SGCZ: variants seen among roughly 807,000 people sequenced by gnomAD.
SGCZ encodes sarcoglycan zeta.
SGCZ carries 40 observed loss-of-function variants against 41.3 expected under a neutral mutation model. The ratio of observed to expected loss-of-function variants is 0.97; its 90% CI spans 0.75 to 1.26. The LOEUF is 1.26. Among genes scored for constraint, SGCZ ranks in the 50% most tolerant of loss-of-function variants. The pLI, the probability that SGCZ is intolerant of heterozygous loss-of-function variation, is 0.00. For missense variants in SGCZ, 552 were observed against 369.8 expected (o/e 1.49, Z -4.04); for synonymous variants, 206 against 137.5 (o/e 1.50, Z -3.49).
chr8:14,664,698 A>G (rs992586859), intron 1 of SGCZ, among the ~76,000 whole-genome samples: 2 of 152,202 alleles, frequency 1.3e-5, no homozygotes, highest in African/African-American at 2.4e-5. Flanking sequence ...AGTGTATGCT[A>G]TATGATTATC....
intron 3 of SGCZ, among the ~76,000 whole-genome samples, chr8:14,245,579 G>T (rs545240620): frequency 2.0e-5 from 3 of 152,044 alleles, no homozygotes; most frequent in Admixed American, 6.6e-5. Context: ...GGCAACAAAA[G>T]CCAAAATTGA....
chr8:15,224,023 T>G (rs1398252268), intron 1 of SGCZ, among the ~76,000 whole-genome samples: 1 of 151,926 alleles, frequency 6.6e-6, no homozygotes, highest in Non-Finnish European at 1.5e-5. Context: ...CCCAGCTAAT[T>G]TTTTGTATTT....
At chr8:14,108,531 A>G (rs1802278419) in intron 5 of SGCZ, among the ~76,000 whole-genome samples, 1 of 152,142 alleles carries the variant, frequency 6.6e-6, no homozygotes, top group African/African-American at 2.4e-5. Context: ...GCAAAAGCAG[A>G]AACCCCTGAT....
chr8:14,352,663 G>A (rs1397988045), intron 2 of SGCZ, among the ~76,000 whole-genome samples: 3 of 151,984 alleles, frequency 2.0e-5, no homozygotes, highest in Admixed American at 1.3e-4. Context: ...AAAGACAAAT[G>A]GATCAAGCTT....
Position 14,770,402 on chromosome 8 carries a change from A to G in SGCZ, c.40-215476T>C, listed in dbSNP as rs893140769. ...TAGTTTTAAAATGTAATTATTTTCT[A>G]TTCTTTCCCCAGAGGTCAGTATATT... On this transcript the variant is annotated intron_variant, in intron 1 of 7. Coordinates refer to ENST00000382080, the MANE Select transcript of SGCZ (RefSeq NM_139167.4). Among the ~76,000 whole-genome samples, 20 of 151,772 alleles carry G rather than the reference A, an allele frequency of 1.3e-4. No homozygotes were observed. In the South Asian group the frequency reaches 2.9e-3, roughly 22 times the overall value.
Position 14,164,641 on chromosome 8 carries a change from C to T in SGCZ, c.486G>A (p.Arg162=), listed in dbSNP as rs1376386740. 1.2e-6 allele frequency: 2 copies of T among 1,613,480 alleles called. No homozygotes were observed. The highest frequency in any genetic ancestry group is 2.7e-5 in the African/African-American group (2 of 74,878). ...CATCTTCATCTGCAGAAAACAGCACCCTGCCATCTTCACTGGCTCTCACTT... is the reference window on the plus strand; with the variant it reads ...CATCTTCATCTGCAGAAAACAGCACTCTGCCATCTTCACTGGCTCTCACTT... ...RFEVRASEDG[R]VLFSADEDEI... The change falls in exon 5 of 8, where the codon AGG becomes AGA. Residue 162 remains arginine, a synonymous_variant. Coordinates refer to ENST00000382080, the MANE Select transcript of SGCZ (RefSeq NM_139167.4).
chr8:14,759,795 G>C (rs984213658), intron 1 of SGCZ, among the ~76,000 whole-genome samples: 1 of 152,130 alleles, frequency 6.6e-6, no homozygotes, highest in African/African-American at 2.4e-5. Flanking sequence ...ACTCGTATTA[G>C]TGAGTGTCTG....
Position 14,356,278 on chromosome 8 carries a change from CA to C in SGCZ, c.235-32075del, listed in dbSNP as rs1156622011. Among the ~76,000 whole-genome samples the C allele has an allele frequency of 2.6e-5, 4 of 152,160 alleles. No individual in the cohort carries two copies. In the East Asian group the frequency reaches 7.7e-4, roughly 29 times the overall value. ...CAACTTAACAGTGGGTTTATTGGAA[CA>C]AAACCCCGTCGTAAGTTAAGAGCCT... On this transcript the variant is annotated intron_variant, in intron 2 of 7. Coordinates refer to ENST00000382080, the MANE Select transcript of SGCZ (RefSeq NM_139167.4).
At position 14,850,761 on chromosome 8, in the gene SGCZ, A is replaced by G. The variant is rs190346895; in HGVS notation, c.40-295835T>C. ...ATTGAATCATGGCGGCAGTTTCCCCACCGCTGTTCTCATGATAGTGAGTGA... is the reference window on the plus strand; with the variant it reads ...ATTGAATCATGGCGGCAGTTTCCCCGCCGCTGTTCTCATGATAGTGAGTGA... On this transcript the variant is annotated intron_variant, in intron 1 of 7. Transcript: ENST00000382080. Among the ~76,000 whole-genome samples, 935 of 152,198 alleles carry G rather than the reference A, an allele frequency of 6.1e-3. 6 individuals carry two copies. The highest frequency in any genetic ancestry group is 0.021 in the African/African-American group (874 of 41,542).
intron 2 of SGCZ, among the ~76,000 whole-genome samples, chr8:14,536,863 G>C (rs1449939402): frequency 6.6e-6 from 1 of 151,924 alleles, no homozygotes; most frequent in Non-Finnish European, 1.5e-5. Flanking sequence ...ATACTTGTTA[G>C]TCTTCAGTGT....
At position 14,712,446 on chromosome 8, in the gene SGCZ, A is replaced by G. The variant is rs1366900325; in HGVS notation, c.40-157520T>C. Among the ~76,000 whole-genome samples the G allele has an allele frequency of 2.6e-5, 4 of 152,242 alleles. No homozygotes were observed. The South Asian group carries it at 6.2e-4, about 24-fold the overall frequency. On this transcript the variant is annotated intron_variant, in intron 1 of 7. Coordinates refer to ENST00000382080, the MANE Select transcript of SGCZ (RefSeq NM_139167.4). ...TCCCAAGATGTTTCTAAAGAGAGAA[A>G]TCTGCAGTATGTGAGGTTATTCAGG...
intron 2 of SGCZ, among the ~76,000 whole-genome samples, chr8:14,353,228 C>T (rs72607303): frequency 0.05 from 7,647 of 152,158 alleles, 418 homozygotes; most frequent in East Asian, 0.27. Context: ...ATGAGCAAAG[C>T]ACTTGAGACA....
chr8:15,234,619 A>G (rs939336682), intron 1 of SGCZ, among the ~76,000 whole-genome samples: 1 of 152,204 alleles, frequency 6.6e-6, no homozygotes, highest in Non-Finnish European at 1.5e-5. Flanking sequence ...TTTAACATGC[A>G]TATTGTTTAG....
At chr8:14,107,563 C>T (rs1802245454) in intron 6 of SGCZ, among the ~76,000 whole-genome samples, 1 of 152,156 alleles carries the variant, frequency 6.6e-6, no homozygotes, top group African/African-American at 2.4e-5. Context: ...TTTGCCCTGT[C>T]TTTATTCCTA....
intron 2 of SGCZ, among the ~76,000 whole-genome samples, chr8:14,427,068 G>GTGAATGAATGAA (rs1270599053): frequency 1.1e-5 from 1 of 90,552 alleles, no homozygotes; most frequent in African/African-American, 3.1e-5. Flanking sequence ...GAATGAATGA[G>GTGAATGAATGAA]TGAATGAACG....
chr8:15,000,920 T>G (rs1323244774), intron 1 of SGCZ, among the ~76,000 whole-genome samples: 1 of 152,208 alleles, frequency 6.6e-6, no homozygotes, highest in South Asian at 2.1e-4. Context: ...TGTGTCTGTG[T>G]CCTTAATTCT....
chr8:14,993,447 T>C (rs918896853), intron 1 of SGCZ, among the ~76,000 whole-genome samples: 5 of 152,156 alleles, frequency 3.3e-5, no homozygotes, highest in African/African-American at 1.2e-4. Context: ...GATATTCTGG[T>C]ACTATCAAGA....
intron 1 of SGCZ, among the ~76,000 whole-genome samples, chr8:14,736,505 G>C (rs547466954): frequency 6.6e-6 from 1 of 152,116 alleles, no homozygotes; most frequent in African/African-American, 2.4e-5. Flanking sequence ...TAAGTTTTGA[G>C]GTGCAGGTGG....
At chr8:14,627,491 A>G (rs1316227795) in intron 1 of SGCZ, among the ~76,000 whole-genome samples, 1 of 152,090 alleles carries the variant, frequency 6.6e-6, no homozygotes, top group Non-Finnish European at 1.5e-5. Context: ...CTATCCTCAC[A>G]AAGTCTTATA....
Sources: allele counts gnomAD v4.1 joint callset (sites outside exome capture counted in the v4.1 genomes callset), GRCh38; gene constraint gnomAD v4.1.1; transcripts MANE v1.5; gene names NCBI Gene and HGNC (gene_info 2026-07-23, HGNC 2026-07-21).